Variants in PDS5A observed in about 807,000 individuals in gnomAD.
The protein encoded by PDS5A is sister chromatid cohesion protein PDS5 homolog A.
A neutral mutation model predicts 167.1 loss-of-function variants in PDS5A; 42 were observed. The observed-to-expected ratio is 0.25, with a 90% confidence interval of 0.20 to 0.33. The LOEUF (loss-of-function observed/expected upper bound fraction) is 0.33, where lower values mean the gene tolerates loss of function less well. Among genes scored for constraint, PDS5A ranks in the 10% least tolerant of loss-of-function variants. PDS5A has a pLI of 1.00. For synonymous variants in PDS5A, 553 were observed against 554.6 expected (o/e 1.00, Z 0.04); for missense variants, 1,033 against 1,605.9 (o/e 0.64, Z 6.10).
intron 26 of PDS5A, among the ~76,000 whole-genome samples, chr4:39,850,909 G>A (rs1167589627): frequency 2.6e-5 from 4 of 152,190 alleles, no homozygotes; most frequent in Admixed American, 1.3e-4. Flanking sequence ...CATGACTACT[G>A]CATTCCTGCA....
Position 39,902,331 on chromosome 4 carries a change from T to G in PDS5A, c.1499+16A>C. ...AATCCTTAGAAAATACAGCAGTTAT[T>G]TGAAAAGTAACTTACTTTACAGCAT... On this transcript the variant is annotated intron_variant, in intron 13 of 32. Coordinates refer to ENST00000303538, the MANE Select transcript of PDS5A (RefSeq NM_001100399.2). 1 of 1,158,968 alleles carries G rather than the reference T, an allele frequency of 8.6e-7. No individual in the cohort carries two copies. The highest frequency in any genetic ancestry group is 1.3e-6 in the Non-Finnish European group (1 of 788,262). The allele number at this position is 1,158,968 out of a possible 1,614,324, so 71.8% of individuals were successfully genotyped here.
intron 16 of PDS5A, among the ~76,000 whole-genome samples, chr4:39,895,444 A>G (rs543781340): frequency 6.6e-6 from 1 of 152,288 alleles, no homozygotes; most frequent in Admixed American, 6.5e-5. Flanking sequence ...ACCATATAAT[A>G]AAAATGCCAT....
intron 26 of PDS5A, among the ~76,000 whole-genome samples, chr4:39,858,264 G>A (rs1179497370): frequency 6.6e-6 from 1 of 152,064 alleles, no homozygotes; most frequent in African/African-American, 2.4e-5. Context: ...AATATCAAAA[G>A]CCAAAACAAT....
At chr4:39,959,276 G>A (rs2109803541) in intron 2 of PDS5A, among the ~76,000 whole-genome samples, 1 of 152,280 alleles carries the variant, frequency 6.6e-6, no homozygotes, top group East Asian at 1.9e-4. Context: ...TACTTTAGTA[G>A]GAAGTGTTAA....
chr4:39,913,357 G>T (rs1414473426), intron 9 of PDS5A, among the ~76,000 whole-genome samples: 1 of 152,090 alleles, frequency 6.6e-6, no homozygotes, highest in Admixed American at 6.6e-5. Flanking sequence ...GGGATTACAG[G>T]CATGAGCCAC....
Position 39,928,083 on chromosome 4 carries a change from C to G in PDS5A, c.220G>C (p.Ala74Pro). Reference sequence around the variant, plus strand: ...GGGTTCCTGAGGAAGAATTCAGATGCAAGATGCAAGGCTAGTGGGAGATAC... The same window carrying G: ...GGGTTCCTGAGGAAGAATTCAGATGGAAGATGCAAGGCTAGTGGGAGATAC... ...QQYLPLALHL[A>P]SEFFLRNPNK... is the part of the protein sequence containing the mutation. Residue 74 changes from alanine (A) to proline (P), a missense_variant, in exon 3 of 33, where the codon GCA (alanine) becomes CCA (proline). By Grantham distance (27) the Ala-to-Pro change is conservative. Around this residue, in one of 4 missense-constraint regions of PDS5A, gnomAD observed 388 missense variants for 615.1 expected, o/e 0.63. Transcript: ENST00000303538. 6.2e-7 allele frequency: 1 copy of G among 1,613,216 alleles called. No homozygotes were observed. The highest frequency in any genetic ancestry group is 8.5e-7 in the Non-Finnish European group (1 of 1,179,300).
Position 39,888,239 on chromosome 4 carries a change from G to A in PDS5A, c.1886+2010C>T, listed in dbSNP as rs866936260. Among the ~76,000 whole-genome samples, 587 of 110,308 alleles carry A rather than the reference G, an allele frequency of 5.3e-3. 8 individuals carry two copies. The highest frequency in any genetic ancestry group is 0.021 in the African/African-American group (549 of 25,970). 72.4% of individuals were successfully genotyped at this position (110,308 alleles called of 152,430 possible). A position where few individuals can be genotyped will look rare whatever the true frequency, so the allele number is the denominator to read the frequency against. ...CCAGCTGGTGACAGAGCAAGACTCC[G>A]GCAAAAAAAAAAAAAAAAAAAAAAA... On this transcript the variant is annotated intron_variant, in intron 17 of 32. Coordinates refer to ENST00000303538, the MANE Select transcript of PDS5A (RefSeq NM_001100399.2).
intron 2 of PDS5A, among the ~76,000 whole-genome samples, chr4:39,968,779 C>CA (rs967450416): frequency 1.4e-5 from 2 of 143,836 alleles, no homozygotes; most frequent in East Asian, 4.1e-4. Context: ...TATGCTTTTA[C>CA]TTTTTTTTTT....
At chr4:39,941,460 C>G (rs912669414) in intron 2 of PDS5A, among the ~76,000 whole-genome samples, 1 of 152,218 alleles carries the variant, frequency 6.6e-6, no homozygotes, top group Admixed American at 6.6e-5. Context: ...AATGAACAAC[C>G]TATTTGCCAA....
At chr4:39,969,308 C>A (rs1730280337) in intron 2 of PDS5A, among the ~76,000 whole-genome samples, 1 of 152,134 alleles carries the variant, frequency 6.6e-6, no homozygotes, top group Non-Finnish European at 1.5e-5. Flanking sequence ...CTCTGAACTA[C>A]CTGTTGACTC....
At chr4:39,952,448 A>G (rs1185709784) in intron 2 of PDS5A, among the ~76,000 whole-genome samples, 4 of 152,230 alleles carry the variant, frequency 2.6e-5, no homozygotes, top group Non-Finnish European at 4.4e-5. Flanking sequence ...CAAGTATAAA[A>G]TTAAAATTTT....
chr4:39,919,708 T>C (rs1724739952), intron 7 of PDS5A, among the ~76,000 whole-genome samples: 1 of 152,104 alleles, frequency 6.6e-6, no homozygotes. Flanking sequence ...AAATGAACAA[T>C]GGAATTAGTT....
chr4:39,960,550 AT>A (rs753724680), intron 2 of PDS5A, among the ~76,000 whole-genome samples: 340 of 145,818 alleles, frequency 2.3e-3, no homozygotes, highest in Middle Eastern at 3.6e-3. Context: ...TATCTTGAAC[AT>A]TTTTTTTTTT....
At chr4:39,911,761 G>A (rs1351316419) in intron 9 of PDS5A, among the ~76,000 whole-genome samples, 1 of 150,766 alleles carries the variant, frequency 6.6e-6, no homozygotes, top group South Asian at 2.1e-4. Flanking sequence ...GAACCCGGGA[G>A]GCGAAGCTTG....
chr4:39,922,544 G>T, intron 6 of PDS5A, 78 bp downstream of exon 6: 1 of 1,233,118 alleles, frequency 8.1e-7, no homozygotes, highest in Non-Finnish European at 1.1e-6. Context: ...ATTGCAAATG[G>T]CCATAAAACA....
chr4:39,973,716 T>C lies in PDS5A; in HGVS notation c.138+2724A>G. 4 of 1,286,948 alleles carry C rather than the reference T, an allele frequency of 3.1e-6. No homozygotes were observed. In the South Asian group the frequency reaches 4.7e-5, roughly 15 times the overall value. 79.7% of individuals were successfully genotyped at this position (1,286,948 alleles called of 1,614,324 possible). ...AAGAAGAGTGCCAGGCTCACTTCAC[T>C]AACCAGCATATGCAGAGAATGGCAA... On this transcript the variant is annotated intron_variant, in intron 2 of 32. Transcript: ENST00000303538.
At chr4:39,833,039 A>T (rs1311873875) in intron 32 of PDS5A, among the ~76,000 whole-genome samples, 7 of 148,376 alleles carry the variant, frequency 4.7e-5, no homozygotes, top group Non-Finnish European at 1.0e-4. Context: ...TATATATATA[A>T]AATTAGCTGG....
At chr4:39,903,287 C>A (rs1479990473) in intron 12 of PDS5A, among the ~76,000 whole-genome samples, 1 of 152,304 alleles carries the variant, frequency 6.6e-6, no homozygotes, top group East Asian at 1.9e-4. Flanking sequence ...TCTCCATGAT[C>A]TAAATTCCTT....
intron 26 of PDS5A, among the ~76,000 whole-genome samples, chr4:39,857,769 C>G (rs1444684023): frequency 3.3e-5 from 5 of 152,056 alleles, no homozygotes; most frequent in African/African-American, 4.8e-5. Flanking sequence ...ATGGACAGAA[C>G]TGAAGGGAGA....
Sources: gnomAD v4.1 joint callset for allele counts (sites outside exome capture counted in the v4.1 genomes callset) on GRCh38, gnomAD v4.1.1 for gene constraint, gnomAD v4.1.1 regional missense constraint, MANE v1.5 for transcripts, NCBI Gene and HGNC (gene_info 2026-07-23, HGNC 2026-07-21) for gene names.